The following SNTG1 variants were observed in gnomAD, a reference collection of about 807,000 sequenced individuals.
SNTG1 encodes syntrophin gamma 1.
A neutral mutation model predicts 74.7 loss-of-function variants in SNTG1; 39 were observed. The observed-to-expected ratio is 0.52, with a 90% CI of 0.40 to 0.68. SNTG1 has a LOEUF of 0.68. Ranked by LOEUF, SNTG1 falls within the 30% of genes least tolerant of loss-of-function variation. SNTG1 has a pLI of 0.00. For synonymous variants in SNTG1, 254 were observed against 217.1 expected (o/e 1.17, Z -1.49); for missense variants, 685 against 609.5 (o/e 1.12, Z -1.30).
chr8:50,194,457 A>G (rs1484415140), intron 2 of SNTG1, among the ~76,000 whole-genome samples: 1 of 152,080 alleles, frequency 6.6e-6, no homozygotes, highest in Admixed American at 6.6e-5. Context: ...ATGTGTGTAT[A>G]GGTGTTCATA....
intron 15 of SNTG1, among the ~76,000 whole-genome samples, chr8:50,666,172 A>G (rs919814800): frequency 6.6e-6 from 1 of 152,164 alleles, no homozygotes; most frequent in Non-Finnish European, 1.5e-5. Context: ...GATTTAACCT[A>G]TTCTAGTCCT....
At chr8:50,318,377 C>T (rs2090395680) in intron 2 of SNTG1, among the ~76,000 whole-genome samples, 2 of 152,190 alleles carry the variant, frequency 1.3e-5, no homozygotes, top group South Asian at 4.1e-4. Context: ...CTTGAGAACA[C>T]ATACTGACAT....
chr8:50,625,316 C>T (rs1585881409), intron 13 of SNTG1, among the ~76,000 whole-genome samples: 1 of 152,198 alleles, frequency 6.6e-6, no homozygotes, highest in African/African-American at 2.4e-5. Context: ...CAGATCAATG[C>T]AGATACAAGA....
intron 1 of SNTG1, among the ~76,000 whole-genome samples, chr8:50,156,211 A>T (rs889981615): frequency 2.6e-5 from 4 of 152,142 alleles, no homozygotes; most frequent in Non-Finnish European, 4.4e-5. Context: ...GGAAACAATT[A>T]TACAAAACTT....
At chr8:50,613,988 GAAT>G (rs1396098038) in intron 13 of SNTG1, among the ~76,000 whole-genome samples, 1 of 152,092 alleles carries the variant, frequency 6.6e-6, no homozygotes, top group Non-Finnish European at 1.5e-5. Context: ...TCAACTTTTA[GAAT>G]GATGTCTATG....
chr8:50,128,540 A>C (rs1213085813), intron 1 of SNTG1, among the ~76,000 whole-genome samples: 1 of 152,168 alleles, frequency 6.6e-6, no homozygotes, highest in African/African-American at 2.4e-5. Context: ...ACATGTCCAG[A>C]TAAATAAACC....
intron 12 of SNTG1, among the ~76,000 whole-genome samples, chr8:50,585,185 C>T (rs551377847): frequency 6.6e-6 from 1 of 152,194 alleles, no homozygotes; most frequent in Non-Finnish European, 1.5e-5. Flanking sequence ...TTCTGTTTTT[C>T]ATTTTTAAAA....
At chr8:50,084,696 A>G (rs942398489) in intron 1 of SNTG1, among the ~76,000 whole-genome samples, 12 of 152,204 alleles carry the variant, frequency 7.9e-5, no homozygotes, top group African/African-American at 2.7e-4. Context: ...CTCATGTTGA[A>G]ATTTAATTGC....
At chr8:50,378,803 G>A (rs1038678305) in intron 2 of SNTG1, among the ~76,000 whole-genome samples, 4 of 151,996 alleles carry the variant, frequency 2.6e-5, no homozygotes, top group Non-Finnish European at 4.4e-5. Flanking sequence ...GGTCATCCTG[G>A]CACCTGCTCA....
intron 2 of SNTG1, among the ~76,000 whole-genome samples, chr8:50,282,945 T>C (rs143130406): frequency 6.6e-6 from 1 of 152,296 alleles, no homozygotes; most frequent in East Asian, 1.9e-4. Flanking sequence ...CATATTGCCA[T>C]GAAAATAAAA....
chr8:50,501,440 T>TG (rs914340716), intron 8 of SNTG1, among the ~76,000 whole-genome samples: 1 of 131,590 alleles, frequency 7.6e-6, no homozygotes. Flanking sequence ...TTTTTTTTTT[T>TG]TTTTTTTTTT....
intron 2 of SNTG1, among the ~76,000 whole-genome samples, chr8:50,299,892 T>C (rs904398728): frequency 2.6e-5 from 4 of 152,108 alleles, no homozygotes; most frequent in Non-Finnish European, 5.9e-5. Context: ...TAAACTTTGG[T>C]GATATTACCT....
intron 4 of SNTG1, among the ~76,000 whole-genome samples, chr8:50,411,455 A>AT (rs1475771880): frequency 3.3e-5 from 5 of 151,408 alleles, no homozygotes; most frequent in Non-Finnish European, 5.9e-5. Flanking sequence ...CTCAAAAAAA[A>AT]AAAATAAAAA....
intron 15 of SNTG1, among the ~76,000 whole-genome samples, chr8:50,660,414 GAAAGAAAGAAAGAAGAAAGAAAGAA>G (rs1325902087): frequency 1.6e-3 from 12 of 7,298 alleles, no homozygotes; most frequent in African/African-American, 3.8e-4. Context: ...AGAAAGAAAA[GAAAGAAAGAAAGAAGAAAGAAAGAA>G]AGAGAAAAAA....
intron 13 of SNTG1, among the ~76,000 whole-genome samples, chr8:50,653,602 GTTTA>G (rs1481839900): frequency 6.6e-6 from 1 of 151,952 alleles, no homozygotes; most frequent in Admixed American, 6.6e-5. Context: ...GAAACAAACT[GTTTA>G]TTTTTTTCTA....
At chr8:50,127,302 T>C (rs1049854978) in intron 1 of SNTG1, among the ~76,000 whole-genome samples, 1 of 152,086 alleles carries the variant, frequency 6.6e-6, no homozygotes, top group African/African-American at 2.4e-5. Flanking sequence ...CAACATTGCA[T>C]TAAAATACAT....
intron 1 of SNTG1, among the ~76,000 whole-genome samples, chr8:50,007,730 T>G (rs1815376224): frequency 1.3e-5 from 2 of 152,120 alleles, no homozygotes; most frequent in Non-Finnish European, 2.9e-5. Context: ...AGTTGCAGCT[T>G]TCTTGGGAAT....
At chr8:50,587,961 T>C (rs1563616302) in intron 12 of SNTG1, among the ~76,000 whole-genome samples, 1 of 147,262 alleles carries the variant, frequency 6.8e-6, no homozygotes, top group African/African-American at 2.5e-5. Context: ...AATTAAAAAA[T>C]AAAAAAAAAT....
intron 15 of SNTG1, among the ~76,000 whole-genome samples, chr8:50,678,420 C>G (rs1240879883): frequency 2.0e-5 from 3 of 152,032 alleles, no homozygotes; most frequent in Non-Finnish European, 4.4e-5. Context: ...TGTGTTCTTA[C>G]TATATCCAGA....
Sources: gnomAD v4.1 joint callset for allele counts (sites outside exome capture counted in the v4.1 genomes callset) on GRCh38, gnomAD v4.1.1 for gene constraint, MANE v1.5 for transcripts, NCBI Gene and HGNC (gene_info 2026-07-23, HGNC 2026-07-21) for gene names.